SEM1: variants seen among roughly 807,000 people sequenced by gnomAD.
SEM1 encodes the protein SEM1 26S proteasome subunit, also known as 26S proteasome complex subunit SEM1.
A neutral mutation model predicts 12.7 loss-of-function variants in SEM1; 3 were observed. The ratio of observed to expected loss-of-function variants is 0.24; its 90% CI spans 0.11 to 0.61. The LOEUF (loss-of-function observed/expected upper bound fraction) is 0.61, where lower values mean the gene tolerates loss of function less well. Ranked by LOEUF, SEM1 falls within the 20% of genes least tolerant of loss-of-function variation. SEM1 has a pLI of 0.88. For synonymous variants in SEM1, 30 were observed against 27.8 expected (o/e 1.08, Z -0.25); for missense variants, 59 against 81.3 (o/e 0.73, Z 1.06).
At chr7:96,572,609 A>G (rs776626519) in intron 2 of SEM1, among the ~76,000 whole-genome samples, 1 of 152,084 alleles carries the variant, frequency 6.6e-6, no homozygotes, top group Non-Finnish European at 1.5e-5. Context: ...GAGTTTCTTT[A>G]TCTGAGTTCT....
chr7:96,660,660 C>T (rs1295938015), intron 2 of SEM1, among the ~76,000 whole-genome samples: 1 of 151,964 alleles, frequency 6.6e-6, no homozygotes, highest in African/African-American at 2.4e-5. Flanking sequence ...TCTAGTGAAA[C>T]CCACACAGTT....
At chr7:96,602,757 CAAAT>C (rs1454295777) in intron 2 of SEM1, among the ~76,000 whole-genome samples, 1 of 152,120 alleles carries the variant, frequency 6.6e-6, no homozygotes, top group African/African-American at 2.4e-5. Flanking sequence ...CTGAGAATGA[CAAAT>C]AAATTTTAAA....
intron 2 of SEM1, among the ~76,000 whole-genome samples, chr7:96,535,306 C>G (rs1213919832): frequency 2.0e-5 from 3 of 151,750 alleles, no homozygotes; most frequent in Admixed American, 2.0e-4. Flanking sequence ...TATAATCATT[C>G]TTACAAGCAA....
intron 2 of SEM1, among the ~76,000 whole-genome samples, chr7:96,682,952 A>C (rs1464722578): frequency 1.3e-5 from 2 of 152,328 alleles, no homozygotes; most frequent in South Asian, 2.1e-4. Context: ...AACATATGAA[A>C]AAGTGCTCTT....
Position 96,683,472 on chromosome 7 carries a change from G to A in SEM1, c.171-9613C>T, listed in dbSNP as rs182280855. 3.5e-4 allele frequency among the ~76,000 whole-genome samples: 53 copies of A among 152,292 alleles called. No individual in the cohort carries two copies. The East Asian group carries it at 9.9e-3, about 28-fold the overall frequency. ...TAGTTCAACCATTGTGGAAGTCAGT[G>A]TGGCGATTCCTCAAGGATCTAGAAC... is the stretch of plus-strand genomic sequence containing the variant. On this transcript the variant is annotated intron_variant, in intron 2 of 2. Transcript: ENST00000413065.
chr7:96,563,543 T>A (rs114167200), intron 2 of SEM1, among the ~76,000 whole-genome samples: 3 of 151,892 alleles, frequency 2.0e-5, no homozygotes, highest in African/African-American at 4.8e-5. Context: ...ACAAAAAAAT[T>A]TGGAATTTAT....
chr7:96,647,803 G>A (rs1464890384), intron 2 of SEM1, among the ~76,000 whole-genome samples: 1 of 152,164 alleles, frequency 6.6e-6, no homozygotes, highest in Non-Finnish European at 1.5e-5. Context: ...GCAAATGTTT[G>A]ATCAGGAGAG....
intron 2 of SEM1, among the ~76,000 whole-genome samples, chr7:96,693,578 G>A (rs752603851): frequency 2.6e-5 from 4 of 151,772 alleles, no homozygotes; most frequent in East Asian, 1.9e-4. Flanking sequence ...ATTAAAATAC[G>A]GCTATAATTT....
At chr7:96,685,755 C>T (rs985709360), downstream of SEM1, among the ~76,000 whole-genome samples, 1 of 148,678 alleles carries the variant, frequency 6.7e-6, no homozygotes, top group Non-Finnish European at 1.5e-5. Flanking sequence ...GGTAAGGCAA[C>T]TCCCATATAA....
At chr7:96,616,178 C>G (rs1807714918) in intron 2 of SEM1, among the ~76,000 whole-genome samples, 1 of 152,030 alleles carries the variant, frequency 6.6e-6, no homozygotes, top group South Asian at 2.1e-4. Context: ...TAAGCATTCT[C>G]TTTTCTTCAC....
chr7:96,619,126 C>A (rs564964817), downstream of SEM1, among the ~76,000 whole-genome samples: 1 of 152,244 alleles, frequency 6.6e-6, no homozygotes, highest in African/African-American at 2.4e-5. Flanking sequence ...ACTTGCTAGA[C>A]AATTGTTGTG....
chr7:96,577,294 A>G (rs558910719), intron 2 of SEM1, among the ~76,000 whole-genome samples: 2 of 152,270 alleles, frequency 1.3e-5, no homozygotes, highest in African/African-American at 2.4e-5. Flanking sequence ...TTAATGGACC[A>G]TATCTGTTTA....
In SEM1 at chr7:96,589,831, T is replaced by G. The variant is rs147148188; in HGVS notation, c.171-83133A>C. On this transcript the variant is annotated intron_variant and NMD_transcript_variant, in intron 2 of 3. Coordinates refer to the SEM1 transcript ENST00000466986. ...AGCTAATTTTAATTAGACTACTATT[T>G]CTCCATTTGCTTTTCTCATAAGGCT... 1.3e-4 allele frequency among the ~76,000 whole-genome samples: 20 copies of G among 152,328 alleles called. No homozygotes were observed. The East Asian group carries it at 3.7e-3, about 28-fold the overall frequency.
chr7:96,544,706 CTTGA>C (rs572638453), intron 2 of SEM1, among the ~76,000 whole-genome samples: 2 of 151,930 alleles, frequency 1.3e-5, no homozygotes, highest in Middle Eastern at 3.2e-3. Context: ...AACATAAACA[CTTGA>C]TTAACACATA....
At chr7:96,667,788 C>T (rs1274038732) in intron 2 of SEM1, among the ~76,000 whole-genome samples, 1 of 152,222 alleles carries the variant, frequency 6.6e-6, no homozygotes, top group African/African-American at 2.4e-5. Flanking sequence ...CCACAATATA[C>T]ACACCTAATA....
intron 3 of SEM1, among the ~76,000 whole-genome samples, chr7:96,502,372 T>C (rs1803595126): frequency 1.3e-5 from 2 of 152,132 alleles, no homozygotes; most frequent in African/African-American, 4.8e-5. Flanking sequence ...GTTCATTTGC[T>C]GTGGATAGGT....
At chr7:96,484,686 T>G (rs1487783558) in intron 3 of SEM1, 5 of 382,912 alleles carry the variant, frequency 1.3e-5, no homozygotes, top group Non-Finnish European at 2.0e-5. Flanking sequence ...GTTATTCCAC[T>G]CACTTACCAA....
At chr7:96,512,656 C>A (rs1376377382) in intron 2 of SEM1, among the ~76,000 whole-genome samples, 1 of 152,070 alleles carries the variant, frequency 6.6e-6, no homozygotes, top group Non-Finnish European at 1.5e-5. Context: ...GAACTGCTAT[C>A]CTTAGGAATG....
At chr7:96,648,348 T>C (rs928241707) in intron 2 of SEM1, among the ~76,000 whole-genome samples, 4 of 152,018 alleles carry the variant, frequency 2.6e-5, no homozygotes, top group Non-Finnish European at 4.4e-5. Flanking sequence ...TACCAGAAAT[T>C]TCCACAGTGT....
Sources: gnomAD v4.1 joint callset for allele counts (sites outside exome capture counted in the v4.1 genomes callset) on GRCh38, gnomAD v4.1.1 for gene constraint, MANE v1.5 for transcripts, NCBI Gene and HGNC (gene_info 2026-07-23, HGNC 2026-07-21) for gene names.